BRD2: variants seen among roughly 807,000 people sequenced by gnomAD.
BRD2 encodes bromodomain containing 2, also known as bromodomain-containing protein 2.
Under a neutral mutation model 79.1 loss-of-function variants are expected in BRD2, and 15 were observed. The ratio of observed to expected loss-of-function variants is 0.19; its 90% CI spans 0.13 to 0.29. The LOEUF (loss-of-function observed/expected upper bound fraction) is 0.29. BRD2 is among the 10% of genes least tolerant of loss of function. The pLI, the probability that BRD2 is intolerant of heterozygous loss-of-function variation, is 1.00. For synonymous variants in BRD2, 488 were observed against 358.6 expected, an observed-to-expected ratio of 1.36 and a Z score of -4.08; for missense variants, 1,053 against 991.3, an observed-to-expected ratio of 1.06 and a Z score of -0.84.
At chr6:32,973,757 T>A (rs1360657474) in intron 2 of BRD2, among the ~76,000 whole-genome samples, 1 of 152,178 alleles carries the variant, frequency 6.6e-6, no homozygotes, top group African/African-American at 2.4e-5. Context: ...GACTGTTTTG[T>A]ACGGCTTTTT....
intron 10 of BRD2, 104 bp downstream of exon 10, chr6:32,978,492 C>T (rs985909304): frequency 1.3e-6 from 2 of 1,520,364 alleles, no homozygotes; most frequent in African/African-American, 1.4e-5. Flanking sequence ...TTAACAGATA[C>T]AATAGGCTTT....
chr6:32,979,861 T>A lies in BRD2; in HGVS notation c.1875T>A (p.Pro625=). Residue 625 remains proline (P), a synonymous_variant, in exon 11 of 13, where the codon CCT becomes CCA. Coordinates refer to ENST00000374825, the MANE Select transcript of BRD2 (RefSeq NM_005104.4). ...AAAAGGCCACAAAGACAGCCCCACC[T>A]GCCCTGCCTACAGGTTATGATTCAG... ...LPKKATKTAP[P]ALPTGYDSEE... is the part of the protein sequence containing the mutation. 1 of 1,612,866 alleles carries A rather than the reference T, an allele frequency of 6.2e-7. No individual in the cohort carries two copies. Among genetic ancestry groups the A allele is most frequent in the Non-Finnish European group, 8.5e-7 (1 of 1,179,862 alleles).
Position 32,978,019 on chromosome 6 carries a change from C to T in BRD2, c.1578+14C>T, listed in dbSNP as rs2066740. ...CTACAGGAACAGGTATTTTGTCACTCTTGAAAGTTTTTATTGGGTAAGAGG... is the reference window on the plus strand; with the variant it reads ...CTACAGGAACAGGTATTTTGTCACTTTTGAAAGTTTTTATTGGGTAAGAGG... On this transcript the variant is annotated intron_variant, in intron 9 of 12. Transcript: ENST00000374825. 29 of 1,607,204 alleles carry T rather than the reference C, an allele frequency of 1.8e-5. No individual in the cohort carries two copies. The Admixed American group carries it at 4.7e-4, about 26-fold the overall frequency.
In BRD2 at chr6:32,980,037, T is replaced by C; in HGVS notation, c.2051T>C (p.Ile684Thr). 6.2e-7 allele frequency: 1 copy of C among 1,612,984 alleles called. No individual in the cohort carries two copies. The highest frequency in any genetic ancestry group is 8.5e-7 in the Non-Finnish European group (1 of 1,179,998). Residue 684 changes from isoleucine (I) to threonine (T), a missense_variant, in exon 11 of 13, where the codon ATT (isoleucine) becomes ACT (threonine). By Grantham distance (89) the Ile-to-Thr change is moderately conservative (BLOSUM62 -1). This residue lies in a region of BRD2 where 44 missense variants were observed against 73.7 expected (regional missense o/e 0.60). Coordinates refer to ENST00000374825, the MANE Select transcript of BRD2 (RefSeq NM_005104.4). ...TTACGTGATTCAAACCCAGAAGAGA[T>C]TGAGATTGATTTTGAAACACTCAAG... ...PSLRDSNPEEIEIDFETLKPS... is the reference protein window; with the variant it reads ...PSLRDSNPEETEIDFETLKPS...
Position 32,974,615 on chromosome 6 carries a change from A to C in BRD2, c.183A>C (p.Pro61=), listed in dbSNP as rs1778475512. 1 of 1,614,102 alleles carries C rather than the reference A, an allele frequency of 6.2e-7. No homozygotes were observed. Residue 61 remains proline (P), a synonymous_variant, in exon 3 of 13, where the codon CCA becomes CCC. Coordinates refer to ENST00000374825, the MANE Select transcript of BRD2 (RefSeq NM_005104.4). ...VPALQLTPAN[P]PPPEVSNPKK... ...CTTTGCAACTTACCCCTGCCAACCC[A>C]CCACCCCCGGAGGTGTCCAATCCCA...
Position 32,974,446 on chromosome 6 carries a change from G to GT in BRD2, c.30-14dup, listed in dbSNP as rs138578000. On this transcript the variant is annotated splice_polypyrimidine_tract_variant and intron_variant, in intron 2 of 12. Coordinates refer to ENST00000374825, the MANE Select transcript of BRD2 (RefSeq NM_005104.4). ...ATTTGGACGATATTGCCCTAATTTT[G>GT]TTCCCATCTTTACAGGCTCCCTGGG... 49,095 of 1,600,636 alleles carry GT rather than the reference G, an allele frequency of 0.031. 853 individuals carry two copies. The highest frequency in any genetic ancestry group is 0.044 in the South Asian group (3,997 of 90,308).
chr6:32,974,360 C>T, intron 2 of BRD2, 102 bp from the exon 3 acceptor site: 2 of 1,237,002 alleles, frequency 1.6e-6, no homozygotes, highest in South Asian at 2.8e-5. Flanking sequence ...ATAAGCTTAA[C>T]CACCTCACTA....
rs1049372 is a variant in BRD2 at position 32,978,188 on chromosome 6, G to A, written c.1641G>A (p.Arg547=). The A allele has an allele frequency of 1.2e-6, 2 of 1,612,778 alleles. No homozygotes were observed. Among genetic ancestry groups the A allele is most frequent in the Admixed American group, 1.7e-5 (1 of 59,996 alleles). Residue 547 remains arginine, a synonymous_variant, in exon 10 of 13, where the codon AGG becomes AGA. Coordinates refer to ENST00000374825, the MANE Select transcript of BRD2 (RefSeq NM_005104.4). The part of the protein sequence containing the change: ...LSQGPISKPK[R]KREKKEKKKK... Reference sequence around the variant, plus strand: ...AGGGTCCAATATCCAAGCCCAAGAGGAAAAGAGAGAAAAAAGAGAAAAAGA... The same window carrying A: ...AGGGTCCAATATCCAAGCCCAAGAGAAAAAGAGAGAAAAAAGAGAAAAAGA...
chr6:32,973,408 C>G (rs1161744881), intron 2 of BRD2, among the ~76,000 whole-genome samples: 3 of 151,998 alleles, frequency 2.0e-5, no homozygotes, highest in Non-Finnish European at 4.4e-5. Context: ...TTCCTAATGC[C>G]CAGGGTATGT....
In BRD2 at chr6:32,972,225, T is replaced by C. The variant is rs918273997; in HGVS notation, c.-674T>C. 2.0e-5 allele frequency: 10 copies of C among 506,908 alleles called. No homozygotes were observed. The highest frequency in any genetic ancestry group is 2.9e-4 in the Middle Eastern group (1 of 3,466). The allele number at this position is 506,908 out of a possible 1,614,324, so 31.4% of individuals were successfully genotyped here. On this transcript the variant is annotated 5_prime_UTR_variant, in exon 2 of 13. Coordinates refer to ENST00000374825, the MANE Select transcript of BRD2 (RefSeq NM_005104.4). ...CATTTCGTGCTGGAGTGGAGCAGCCTCTAGAACGAGCTGGAGGATTCTGCC... is the reference window on the plus strand; with the variant it reads ...CATTTCGTGCTGGAGTGGAGCAGCCCCTAGAACGAGCTGGAGGATTCTGCC...
chr6:32,972,425 C>T lies in BRD2; in HGVS notation c.-474C>T, dbSNP rs895856430. 5 of 298,018 alleles carry T rather than the reference C, an allele frequency of 1.7e-5. No individual in the cohort carries two copies. The highest frequency in any genetic ancestry group is 1.0e-4 in the Admixed American group (2 of 20,078). 18.5% of individuals were successfully genotyped at this position (298,018 alleles called of 1,614,324 possible). ...GCCCAATCCTCGGAGTCTGTCCACC[C>T]CCTCTACTCCGCCCTCAAGAGGATT... On this transcript the variant is annotated 5_prime_UTR_variant, in exon 2 of 13. Transcript: ENST00000374825.
Position 32,977,432 on chromosome 6 carries a change from C to T in BRD2, c.1201-10C>T. ...GCCTGTGCAGCTTCTGATGCTGCCT[C>T]CTTCTGCAGCGGAAGATGGAGAACC... On this transcript the variant is annotated splice_polypyrimidine_tract_variant and intron_variant, in intron 7 of 12. Coordinates refer to ENST00000374825, the MANE Select transcript of BRD2 (RefSeq NM_005104.4). 5 of 1,613,814 alleles carry T rather than the reference C, an allele frequency of 3.1e-6. No homozygotes were observed. The highest frequency in any genetic ancestry group is 1.3e-5 in the African/African-American group (1 of 75,022).
chr6:32,969,688 C>T (rs780745634), intron 1 of BRD2, among the ~76,000 whole-genome samples: 9 of 152,216 alleles, frequency 5.9e-5, no homozygotes, highest in Non-Finnish European at 8.8e-5. Context: ...CACGTGTCTA[C>T]TCCAGGCTGG....
At chr6:32,975,974 T>C in intron 4 of BRD2, 57 bp from the exon 5 acceptor site, 3 of 1,545,148 alleles carry the variant, frequency 1.9e-6, no homozygotes, top group Non-Finnish European at 2.6e-6. Flanking sequence ...AGATGGTGTG[T>C]ATCTATCTTC....
In BRD2 at chr6:32,972,250, C is replaced by T. The variant is rs1158585720; in HGVS notation, c.-649C>T. ...TCTAGAACGAGCTGGAGGATTCTGC[C>T]TACCGATACAGAGCCTTCGAGTCGT... On this transcript the variant is annotated 5_prime_UTR_variant, in exon 2 of 13. Coordinates refer to ENST00000374825, the MANE Select transcript of BRD2 (RefSeq NM_005104.4). 22 of 469,702 alleles carry T rather than the reference C, an allele frequency of 4.7e-5. No individual in the cohort carries two copies. Among genetic ancestry groups the T allele is most frequent in the Admixed American group, 1.7e-4 (5 of 29,798 alleles). 29.1% of individuals were successfully genotyped at this position (469,702 alleles called of 1,614,324 possible).
At chr6:32,978,464 A>T in intron 10 of BRD2, 76 bp downstream of exon 10, 1 of 1,546,834 alleles carries the variant, frequency 6.5e-7, no homozygotes, top group Non-Finnish European at 8.7e-7. Flanking sequence ...CTTTGCAAAG[A>T]TAATTCTAAA....
rs1431924897 is a variant in BRD2, at chr6:32,974,762, A to G, written c.330A>G (p.Leu110=). 3.1e-6 allele frequency: 5 copies of G among 1,613,202 alleles called. No homozygotes were observed. Among genetic ancestry groups the G allele is most frequent in the South Asian group, 2.2e-5 (2 of 91,074 alleles). ...CTGTGGATGCTGTCAAACTGGGTCT[A>G]CCGGTGAGTAGAGACATTGGAGCCG... The part of the protein sequence containing the change: ...RQPVDAVKLG[L]PDYHKIIKQP... Residue 110 remains leucine, a synonymous_variant, in exon 3 of 13, where the codon CTA becomes CTG. Transcript: ENST00000374825.
chr6:32,971,543 CAT>C (rs1777976525), intron 1 of BRD2, 50 bp from the exon 2 acceptor site: 4 of 456,936 alleles, frequency 8.8e-6, no homozygotes, highest in African/African-American at 2.0e-5. Flanking sequence ...AGCTGTTCGC[CAT>C]AGAGGAGCAG....
intron 1 of BRD2, chr6:32,971,106 C>T (rs887892721): frequency 2.0e-5 from 3 of 151,348 alleles, no homozygotes; most frequent in African/African-American, 7.3e-5. Flanking sequence ...CCGAGCTCGC[C>T]TGGAGGGGGA....
Sources: gnomAD v4.1 joint callset for allele counts (sites outside exome capture counted in the v4.1 genomes callset) on GRCh38, gnomAD v4.1.1 for gene constraint, gnomAD v4.1.1 regional missense constraint, MANE v1.5 for transcripts, NCBI Gene and HGNC (gene_info 2026-07-23, HGNC 2026-07-21) for gene names.